Variants in PAN3 observed in about 807,000 individuals in gnomAD.
The protein encoded by PAN3 is PAN2-PAN3 deadenylation complex subunit PAN3.
A neutral mutation model predicts 96.2 loss-of-function variants in PAN3; 19 were observed. The observed-to-expected ratio is 0.20, with a 90% CI of 0.14 to 0.29. PAN3 has a LOEUF of 0.29. PAN3 is among the 10% of genes least tolerant of loss of function. The probability of loss-of-function intolerance (pLI) is 1.00; values close to 1 mark genes in which losing one functional copy is unlikely to be tolerated. For missense variants in PAN3, 882 were observed against 1,108.1 expected (o/e 0.80, Z 2.90); for synonymous variants, 433 against 406.6 (o/e 1.06, Z -0.78).
chr13:28,193,255 T>C (rs1877512835), intron 4 of PAN3, among the ~76,000 whole-genome samples: 1 of 152,154 alleles, frequency 6.6e-6, no homozygotes, highest in African/African-American at 2.4e-5. Context: ...TGGCTATTTA[T>C]TGAAAAAATT....
At position 28,138,576 on chromosome 13, in the gene PAN3, C is replaced by T. The variant is rs892464754; in HGVS notation, c.-82C>T. 6.7e-6 allele frequency: 3 copies of T among 446,346 alleles called. No individual in the cohort carries two copies. Among genetic ancestry groups the T allele is most frequent in the African/African-American group, 2.1e-5 (1 of 46,856 alleles). 27.6% of individuals were successfully genotyped at this position (446,346 alleles called of 1,614,324 possible). A position where few individuals can be genotyped will look rare whatever the true frequency, so the allele number is the denominator to read the frequency against. On this transcript the variant is annotated 5_prime_UTR_variant, in exon 1 of 19. Coordinates refer to ENST00000380958, the MANE Select transcript of PAN3 (RefSeq NM_175854.8). Reference sequence around the variant, plus strand: ...CCAGGCTTTTATCCGGCACCGGCAGCGTCTTCCTTTCCTCCCCCGTCTATG... The same window carrying T: ...CCAGGCTTTTATCCGGCACCGGCAGTGTCTTCCTTTCCTCCCCCGTCTATG...
intron 6 of PAN3, among the ~76,000 whole-genome samples, chr13:28,239,213 A>G (rs1353329056): frequency 7.3e-6 from 1 of 136,998 alleles, no homozygotes; most frequent in Non-Finnish European, 1.5e-5. Context: ...ACACACACAC[A>G]CACACACACG....
intron 6 of PAN3, among the ~76,000 whole-genome samples, chr13:28,251,755 C>T (rs566933410): frequency 6.6e-6 from 1 of 152,190 alleles, no homozygotes; most frequent in Non-Finnish European, 1.5e-5. Flanking sequence ...TTCGTGTACC[C>T]TTGTGGGCCT....
chr13:28,226,908 T>C (rs1381041941), intron 6 of PAN3, among the ~76,000 whole-genome samples: 1 of 152,244 alleles, frequency 6.6e-6, no homozygotes, highest in Non-Finnish European at 1.5e-5. Context: ...CCAAGTTATT[T>C]AGTTTGGAGA....
At chr13:28,215,114 C>A in intron 5 of PAN3, 1 of 803,938 alleles carries the variant, frequency 1.2e-6, no homozygotes, top group Non-Finnish European at 2.2e-6. Flanking sequence ...ATTGTGACAA[C>A]ATGCTGGAGC....
chr13:28,269,731 T>C (rs1164488563), intron 12 of PAN3, among the ~76,000 whole-genome samples: 1 of 152,166 alleles, frequency 6.6e-6, no homozygotes, highest in Non-Finnish European at 1.5e-5. Flanking sequence ...TTTTGAGCCT[T>C]CTTACACATA....
chr13:28,196,849 T>C (rs1878118562), intron 4 of PAN3, among the ~76,000 whole-genome samples: 1 of 152,196 alleles, frequency 6.6e-6, no homozygotes, highest in African/African-American at 2.4e-5. Context: ...TAAGTGACAG[T>C]AGAAAAAATT....
intron 1 of PAN3, among the ~76,000 whole-genome samples, chr13:28,172,386 G>A (rs1157956665): frequency 6.6e-6 from 1 of 152,072 alleles, no homozygotes; most frequent in African/African-American, 2.4e-5. Flanking sequence ...AACCCAGGGG[G>A]CGAAGCTTGC....
rs538825336 is a variant in PAN3, at chr13:28,193,383, G to A, written c.691-3802G>A. 2.0e-5 allele frequency among the ~76,000 whole-genome samples: 3 copies of A among 152,216 alleles called. No individual in the cohort carries two copies. In the South Asian group the frequency reaches 6.2e-4, roughly 32 times the overall value. On this transcript the variant is annotated intron_variant, in intron 4 of 18. Transcript: ENST00000380958. ...GAGAGGAATGATGAATTCCCTTTTTGAAATGAAGAAACGTAATTTAATGAG... is the reference window on the plus strand; with the variant it reads ...GAGAGGAATGATGAATTCCCTTTTTAAAATGAAGAAACGTAATTTAATGAG...
intron 4 of PAN3, among the ~76,000 whole-genome samples, chr13:28,190,365 C>T (rs941646494): frequency 2.6e-5 from 4 of 151,772 alleles, no homozygotes; most frequent in Non-Finnish European, 5.9e-5. Flanking sequence ...ACTTCAGCCT[C>T]CTGAATAGCT....
chr13:28,177,849 G>A lies in PAN3; in HGVS notation c.620-16G>A, dbSNP rs372558632. The A allele has an allele frequency of 8.1e-6, 13 of 1,607,844 alleles. No individual in the cohort carries two copies. The highest frequency in any genetic ancestry group is 5.5e-5 in the South Asian group (5 of 90,844). ...CCAAGTTTTATGTGTGGAAACTTACGTAACTTACCTTTCAGATCCTCTAAC... is the reference window on the plus strand; with the variant it reads ...CCAAGTTTTATGTGTGGAAACTTACATAACTTACCTTTCAGATCCTCTAAC... On this transcript the variant is annotated splice_polypyrimidine_tract_variant and intron_variant, in intron 3 of 18. Coordinates refer to ENST00000380958, the MANE Select transcript of PAN3 (RefSeq NM_175854.8).
intron 14 of PAN3, among the ~76,000 whole-genome samples, chr13:28,273,726 C>G (rs1225590813): frequency 1.3e-5 from 2 of 152,116 alleles, no homozygotes; most frequent in Non-Finnish European, 2.9e-5. Flanking sequence ...GATTTTAAGA[C>G]AATTTTAGTT....
intron 17 of PAN3, among the ~76,000 whole-genome samples, 161 bp downstream of exon 17, chr13:28,281,540 C>T (rs1227463508): frequency 6.6e-6 from 1 of 152,152 alleles, no homozygotes; most frequent in Non-Finnish European, 1.5e-5. Flanking sequence ...TAACAACAGC[C>T]TAGGTGTGGC....
intron 4 of PAN3, among the ~76,000 whole-genome samples, chr13:28,188,990 A>G (rs556780438): frequency 6.6e-6 from 1 of 152,240 alleles, no homozygotes; most frequent in African/African-American, 2.4e-5. Flanking sequence ...TTTAAGAATG[A>G]TAGAGAAGTT....
In PAN3 at chr13:28,146,967, G is replaced by A. The variant is rs567024651; in HGVS notation, c.430+7880G>A. Among the ~76,000 whole-genome samples the A allele has an allele frequency of 4.0e-5, 6 of 151,512 alleles. No homozygotes were observed. The South Asian group carries it at 1.3e-3, about 32-fold the overall frequency. Reference sequence around the variant, plus strand: ...CACTGCATTCCAGCCTGGTGACAAAGCAAGACTCCGTCTCAAAAAAAAAAG... The same window carrying A: ...CACTGCATTCCAGCCTGGTGACAAAACAAGACTCCGTCTCAAAAAAAAAAG... On this transcript the variant is annotated intron_variant, in intron 1 of 18. Transcript: ENST00000380958.
chr13:28,228,560 T>C (rs1165748055), intron 6 of PAN3, among the ~76,000 whole-genome samples: 1 of 152,228 alleles, frequency 6.6e-6, no homozygotes, highest in Non-Finnish European at 1.5e-5. Context: ...TAAGCACTTT[T>C]CTATATTTTA....
chr13:28,223,871 A>ATTTTTT (rs560571140), intron 6 of PAN3, among the ~76,000 whole-genome samples: 2 of 75,012 alleles, frequency 2.7e-5, no homozygotes, highest in Admixed American at 1.4e-4. Flanking sequence ...ATGAAAAGTG[A>ATTTTTT]TTTTTTTTTT....
rs528896777 is a variant in PAN3, at chr13:28,264,830, G to A, written c.1412-1885G>A. Among the ~76,000 whole-genome samples, 62 of 152,260 alleles carry A rather than the reference G, an allele frequency of 4.1e-4. 1 individual carries two copies. The South Asian group carries it at 0.013, about 31-fold the overall frequency. On this transcript the variant is annotated intron_variant, in intron 9 of 18. Transcript: ENST00000380958. Reference sequence around the variant, plus strand: ...TTGTATCAGAAACTCGGGGAATGGGGCCCAGCAAACTATATTTTAACAAGG... The same window carrying A: ...TTGTATCAGAAACTCGGGGAATGGGACCCAGCAAACTATATTTTAACAAGG...
intron 6 of PAN3, among the ~76,000 whole-genome samples, chr13:28,252,578 A>T (rs1336207110): frequency 1.3e-5 from 2 of 152,122 alleles, no homozygotes; most frequent in African/African-American, 2.4e-5. Context: ...TCTCCAGTAG[A>T]CATTCCTGTG....
Sources: gnomAD v4.1 joint callset for allele counts (sites outside exome capture counted in the v4.1 genomes callset) on GRCh38, gnomAD v4.1.1 for gene constraint, MANE v1.5 for transcripts, NCBI Gene and HGNC (gene_info 2026-07-23, HGNC 2026-07-21) for gene names.